The following ADGRL3 variants were observed in gnomAD, a reference collection of about 807,000 sequenced individuals.
The protein encoded by ADGRL3 is adhesion G protein-coupled receptor L3.
Under a neutral mutation model 153.5 loss-of-function variants are expected in ADGRL3, and 62 were observed. The ratio of observed to expected loss-of-function variants is 0.40; its 90% CI spans 0.33 to 0.50. ADGRL3 has a LOEUF of 0.50. Among genes scored for constraint, ADGRL3 ranks in the 20% least tolerant of loss-of-function variants. The probability of loss-of-function intolerance (pLI) is 0.47; values close to 1 mark genes in which losing one functional copy is unlikely to be tolerated. For synonymous variants in ADGRL3, 710 were observed against 672.5 expected (o/e 1.06, Z -0.86); for missense variants, 1,641 against 1,859.4 (o/e 0.88, Z 2.16).
chr4:61,565,283 T>C, intron 4 of ADGRL3, among the ~76,000 whole-genome samples: 1 of 152,204 alleles, frequency 6.6e-6, no homozygotes, highest in East Asian at 1.9e-4. Context: ...TGTATGATTT[T>C]ACTAAAAAAC....
At chr4:61,414,531 A>T (rs2097125329) in intron 2 of ADGRL3, among the ~76,000 whole-genome samples, 1 of 152,062 alleles carries the variant, frequency 6.6e-6, no homozygotes, top group South Asian at 2.1e-4. Context: ...AGATAACATG[A>T]TCTAAATTAA....
chr4:61,656,362 T>TG (rs76225203), intron 5 of ADGRL3, among the ~76,000 whole-genome samples: 2,999 of 151,172 alleles, frequency 0.02, 87 homozygotes, highest in South Asian at 0.062. Context: ...CTTTTTTTTG[T>TG]GGGGGGGGTG....
At chr4:61,615,576 T>TTGTG (rs138168643) in intron 5 of ADGRL3, among the ~76,000 whole-genome samples, 27,769 of 147,830 alleles carry the variant, frequency 0.19, 2,710 homozygotes, top group African/African-American at 0.22. Flanking sequence ...GGTTGGAATA[T>TTGTG]TGTGTGTGTG....
At chr4:61,501,217 C>T (rs1465777202) in intron 3 of ADGRL3, among the ~76,000 whole-genome samples, 1 of 152,180 alleles carries the variant, frequency 6.6e-6, no homozygotes, top group Non-Finnish European at 1.5e-5. Context: ...GTACTAAAGA[C>T]AGGACAGTGA....
chr4:61,274,452 T>G (rs1392071468), intron 1 of ADGRL3, among the ~76,000 whole-genome samples: 1 of 152,172 alleles, frequency 6.6e-6, no homozygotes, highest in African/African-American at 2.4e-5. Context: ...ACACTGAATT[T>G]CCATGAGAGC....
chr4:61,300,045 A>G (rs915458946), intron 1 of ADGRL3, among the ~76,000 whole-genome samples: 93 of 152,228 alleles, frequency 6.1e-4, no homozygotes, highest in African/African-American at 2.1e-3. Context: ...CCCAATTTAC[A>G]CTTGTTAATA....
chr4:61,237,210 G>A lies in ADGRL3; in HGVS notation c.-240+35445G>A, dbSNP rs549616876. On this transcript the variant is annotated intron_variant, in intron 1 of 26. Transcript: ENST00000683033. ...ACATTTTCCAACCGTATATATTCAT[G>A]GTGGCTGCAGGAAACTCTATGTATA... 2.0e-5 allele frequency among the ~76,000 whole-genome samples: 3 copies of A among 152,220 alleles called. No homozygotes were observed. The South Asian group carries it at 6.2e-4, about 32-fold the overall frequency.
intron 4 of ADGRL3, among the ~76,000 whole-genome samples, chr4:61,522,330 G>A (rs1321253998): frequency 6.6e-6 from 1 of 152,046 alleles, no homozygotes; most frequent in Non-Finnish European, 1.5e-5. Context: ...AATGAACCTT[G>A]ATTAATCTCT....
At chr4:61,524,842 T>C (rs2098550782) in intron 4 of ADGRL3, among the ~76,000 whole-genome samples, 1 of 152,148 alleles carries the variant, frequency 6.6e-6, no homozygotes, top group South Asian at 2.1e-4. Context: ...CATTTATTGT[T>C]AATATAGCTG....
At chr4:61,345,490 T>C (rs1413003468) in intron 1 of ADGRL3, among the ~76,000 whole-genome samples, 1 of 152,206 alleles carries the variant, frequency 6.6e-6, no homozygotes, top group African/African-American at 2.4e-5. Flanking sequence ...ATTTTTGTTT[T>C]ATAGAAAGTG....
At chr4:61,532,543 C>G (rs1439618034) in intron 4 of ADGRL3, among the ~76,000 whole-genome samples, 1 of 67,888 alleles carries the variant, frequency 1.5e-5, no homozygotes, top group Admixed American at 1.8e-4. Context: ...CGCGCGCGCG[C>G]GCGCGCGCGC....
chr4:61,706,118 A>G (rs1208292292), intron 6 of ADGRL3, among the ~76,000 whole-genome samples: 1 of 152,114 alleles, frequency 6.6e-6, no homozygotes, highest in Admixed American at 6.5e-5. Flanking sequence ...GATGGTATCT[A>G]CTTCCAATAA....
intron 17 of ADGRL3, among the ~76,000 whole-genome samples, chr4:61,962,477 T>A (rs989057766): frequency 2.6e-5 from 4 of 152,194 alleles, no homozygotes; most frequent in African/African-American, 9.6e-5. Flanking sequence ...GCCTTGTTGC[T>A]AATCTTCTTT....
Position 61,396,822 on chromosome 4 carries a change from T to G in ADGRL3, c.-174+13633T>G, listed in dbSNP as rs187647209. On this transcript the variant is annotated intron_variant, in intron 2 of 26. Transcript: ENST00000683033. ...CATGTATTTTCATAGTACTTTGGCC[T>G]TTTTGAAACTTCTCACATGTAAATG... Among the ~76,000 whole-genome samples the G allele has an allele frequency of 2.0e-4, 30 of 151,992 alleles. No individual in the cohort carries two copies. The East Asian group carries it at 5.8e-3, about 29-fold the overall frequency.
At chr4:61,391,342 G>A (rs748088163) in intron 2 of ADGRL3, among the ~76,000 whole-genome samples, 29 of 152,184 alleles carry the variant, frequency 1.9e-4, no homozygotes, top group Admixed American at 4.6e-4. Context: ...CAGATCTCAC[G>A]TGAACTCAGA....
intron 17 of ADGRL3, among the ~76,000 whole-genome samples, chr4:61,974,233 C>T (rs878957963): frequency 2.0e-5 from 3 of 152,070 alleles, no homozygotes; most frequent in South Asian, 2.1e-4. Context: ...CCTCCCAAAG[C>T]GCTGGGATTA....
At chr4:61,937,798 A>T (rs1045010854) in intron 15 of ADGRL3, among the ~76,000 whole-genome samples, 2 of 152,222 alleles carry the variant, frequency 1.3e-5, no homozygotes, top group African/African-American at 4.8e-5. Context: ...TTACGTATAC[A>T]ATAAATGTGT....
intron 15 of ADGRL3, among the ~76,000 whole-genome samples, chr4:61,937,482 C>A (rs2098844270): frequency 6.6e-6 from 1 of 150,484 alleles, no homozygotes; most frequent in South Asian, 2.1e-4. Flanking sequence ...GCCTCTCTAT[C>A]ATTCACTTTT....
At chr4:61,743,707 AT>A (rs751749021) in intron 8 of ADGRL3, among the ~76,000 whole-genome samples, 3 of 152,222 alleles carry the variant, frequency 2.0e-5, no homozygotes, top group Admixed American at 6.5e-5. Context: ...AATTGAAAGA[AT>A]TAAGAAAAAG....
Sources: gnomAD v4.1 joint callset for allele counts (sites outside exome capture counted in the v4.1 genomes callset) on GRCh38, gnomAD v4.1.1 for gene constraint, MANE v1.5 for transcripts, NCBI Gene and HGNC (gene_info 2026-07-23, HGNC 2026-07-21) for gene names.